MYLK: variants seen among roughly 807,000 people sequenced by gnomAD.
The protein encoded by MYLK is myosin light chain kinase.
In MYLK, 106 loss-of-function variants were observed where a neutral mutation model predicts 203.4. The observed-to-expected ratio is 0.52, with a 90% CI of 0.45 to 0.61. The LOEUF (loss-of-function observed/expected upper bound fraction) is 0.61. Ranked by LOEUF, MYLK falls within the 20% of genes least tolerant of loss-of-function variation. The probability of loss-of-function intolerance (pLI) is 0.00; values close to 1 mark genes in which losing one functional copy is unlikely to be tolerated. For missense variants in MYLK, 2,072 were observed against 2,442.3 expected (o/e 0.85, Z 3.20); for synonymous variants, 867 against 959.5 (o/e 0.90, Z 1.78).
At chr3:123,626,794 A>C (rs1288244094) in intron 31 of MYLK, 24 bp downstream of exon 31, 1 of 1,614,162 alleles carries the variant, frequency 6.2e-7, no homozygotes, top group Admixed American at 1.7e-5. Flanking sequence ...GCAACATCCC[A>C]GTCCAAAGTG....
intron 20 of MYLK, among the ~76,000 whole-genome samples, chr3:123,679,935 G>A (rs981323121): frequency 6.6e-6 from 1 of 152,160 alleles, no homozygotes; most frequent in Non-Finnish European, 1.5e-5. Flanking sequence ...CACAGTGTGG[G>A]CACCAGGTTT....
At position 123,640,721 on chromosome 3, in the gene MYLK, C is replaced by T. The variant is rs1399135540; in HGVS notation, c.4620-217G>A. Among the ~76,000 whole-genome samples the T allele has an allele frequency of 6.6e-6, 1 of 151,734 alleles. No homozygotes were observed. Among genetic ancestry groups the T allele is most frequent in the African/African-American group, 2.4e-5 (1 of 41,252 alleles). ...GGAACCCTGCCCTGCACCTTCTAAG[C>T]TGCTGGGGACTCAGGGAAGCATCTA... is the stretch of plus-strand genomic sequence containing the variant. On this transcript the variant is annotated intron_variant, in intron 27 of 33. Transcript: ENST00000360304. The surrounding 1 kb of genome is among the most constrained non-coding windows in gnomAD (Gnocchi z 4.3).
At chr3:123,860,016 C>T (rs1484615089) in intron 2 of MYLK, among the ~76,000 whole-genome samples, 4 of 150,908 alleles carry the variant, frequency 2.7e-5, no homozygotes, top group Non-Finnish European at 5.9e-5. Context: ...TGATTCTAAA[C>T]TAAACACAAT....
intron 29 of MYLK, 58 bp downstream of exon 29, chr3:123,638,012 GC>G: frequency 6.2e-7 from 1 of 1,611,474 alleles, no homozygotes; most frequent in Non-Finnish European, 8.5e-7. Context: ...GGAACCCTCA[GC>G]CCCCACCCAC....
intron 2 of MYLK, among the ~76,000 whole-genome samples, chr3:123,846,803 A>G (rs761291991): frequency 5.9e-5 from 9 of 151,828 alleles, no homozygotes; most frequent in Non-Finnish European, 1.2e-4. Flanking sequence ...TTTCCTTTCA[A>G]CAACTGTAAT....
At chr3:123,820,279 T>C (rs994609206) in intron 3 of MYLK, among the ~76,000 whole-genome samples, 1 of 152,050 alleles carries the variant, frequency 6.6e-6, no homozygotes, top group Non-Finnish European at 1.5e-5. Context: ...TCTAAGAACA[T>C]GGTTGTATGA....
chr3:123,649,233 G>C, intron 24 of MYLK, 39 bp from the exon 25 acceptor site: 1 of 1,611,566 alleles, frequency 6.2e-7, no homozygotes, highest in Non-Finnish European at 8.5e-7. Flanking sequence ...GGACACAGGT[G>C]ATTAGTACTG....
At position 123,666,305 on chromosome 3, in the gene MYLK, C is replaced by A. The variant is rs2059732297; in HGVS notation, c.3745G>T (p.Val1249Leu). 2 of 1,614,086 alleles carry A rather than the reference C, an allele frequency of 1.2e-6. No homozygotes were observed. The highest frequency in any genetic ancestry group is 1.1e-5 in the South Asian group (1 of 91,088). Residue 1249 changes from valine to leucine, a missense_variant, in exon 22 of 34, where the codon GTA becomes TTA. Coordinates refer to ENST00000360304, the MANE Select transcript of MYLK (RefSeq NM_053025.4). ...QIIQFPEDQK[V>L]RAGESVELFG... The stretch of plus-strand genomic sequence containing the variant: ...AGCTCCACTGACTCTCCTGCGCGTA[C>A]CTTCTGGTCCTCAGGGAACTGGATG...
Position 123,648,869 on chromosome 3 carries a change from C to T in MYLK, c.4415+102G>A. 1 of 967,390 alleles carries T rather than the reference C, an allele frequency of 1.0e-6. No homozygotes were observed. Among genetic ancestry groups the T allele is most frequent in the Non-Finnish European group, 1.7e-6 (1 of 602,944 alleles). The allele number at this position is 967,390 out of a possible 1,614,324, so 59.9% of individuals were successfully genotyped here. ...CAGGACTCTCAGTCTGGGGAGGAGGCAGGCCCCAGGGAGCAACAGGAAGCT... is the reference window on the plus strand; with the variant it reads ...CAGGACTCTCAGTCTGGGGAGGAGGTAGGCCCCAGGGAGCAACAGGAAGCT... On this transcript the variant is annotated intron_variant, in intron 26 of 33. Coordinates refer to ENST00000360304, the MANE Select transcript of MYLK (RefSeq NM_053025.4). The surrounding 1 kb of genome is among the most constrained non-coding windows in gnomAD (Gnocchi z 4.5).
At chr3:123,638,919 C>T (rs888671223) in intron 28 of MYLK, 17 of 985,328 alleles carry the variant, frequency 1.7e-5, no homozygotes, top group South Asian at 4.7e-5. Context: ...TGCTTAACTT[C>T]GCAGAGCTCA....
intron 19 of MYLK, among the ~76,000 whole-genome samples, chr3:123,684,761 C>T (rs2060391651): frequency 6.6e-6 from 1 of 152,202 alleles, no homozygotes; most frequent in African/African-American, 2.4e-5. Flanking sequence ...GTCTTGAATT[C>T]CTGGCCTCAG....
At chr3:123,719,061 A>T (rs2062001354) in intron 13 of MYLK, among the ~76,000 whole-genome samples, 1 of 152,136 alleles carries the variant, frequency 6.6e-6, no homozygotes, top group Non-Finnish European at 1.5e-5. Flanking sequence ...GTCACTGAGG[A>T]GGGAAGGCAG....
At chr3:123,664,840 T>C (rs1006440614) in intron 22 of MYLK, among the ~76,000 whole-genome samples, 1 of 152,182 alleles carries the variant, frequency 6.6e-6, no homozygotes, top group Admixed American at 6.5e-5. Context: ...GAAAAGAGTA[T>C]GCTAAGTCAA....
intron 20 of MYLK, among the ~76,000 whole-genome samples, chr3:123,674,722 T>C (rs994619202): frequency 2.6e-5 from 4 of 152,268 alleles, no homozygotes; most frequent in African/African-American, 4.8e-5. Context: ...TTTCAGTTTC[T>C]GCAACACCAG....
At chr3:123,644,864 C>A (rs2058959940) in intron 27 of MYLK, among the ~76,000 whole-genome samples, 1 of 152,156 alleles carries the variant, frequency 6.6e-6, no homozygotes, top group Non-Finnish European at 1.5e-5. Context: ...TTTTATGGTT[C>A]CATGAAATAG....
At chr3:123,635,309 T>C (rs1282639213) in intron 29 of MYLK, among the ~76,000 whole-genome samples, 1 of 152,244 alleles carries the variant, frequency 6.6e-6, no homozygotes, top group Non-Finnish European at 1.5e-5. Context: ...TAGCAGGCGC[T>C]TAAAGGAAAC....
rs1296051224 is a variant in MYLK at position 123,700,314 on chromosome 3, T to G, written c.3154A>C (p.Asn1052His). Reference protein sequence around the residue: ...KPAETLKPMGNAKPDENLKSA... With the variant: ...KPAETLKPMGHAKPDENLKSA... ...TTCAGGTTCTCATCAGGCTTGGCAT[T>G]GCCCATGGGCTTCAGGGTCTCGGCA... Residue 1052 changes from asparagine to histidine, a missense_variant, in exon 18 of 34, where the codon AAT becomes CAT. Physicochemically the swap from Asn to His is moderately conservative, Grantham distance 68. Coordinates refer to ENST00000360304, the MANE Select transcript of MYLK (RefSeq NM_053025.4). The G allele has an allele frequency of 6.2e-7, 1 of 1,613,950 alleles. No homozygotes were observed.
intron 22 of MYLK, among the ~76,000 whole-genome samples, chr3:123,665,771 A>G (rs2059714353): frequency 6.6e-6 from 1 of 152,174 alleles, no homozygotes; most frequent in African/African-American, 2.4e-5. Flanking sequence ...CTTCTATCCA[A>G]ATACTCACAT....
chr3:123,794,666 A>T (rs2064919817), intron 3 of MYLK, among the ~76,000 whole-genome samples: 1 of 152,200 alleles, frequency 6.6e-6, no homozygotes. Flanking sequence ...GGGGCTGGCA[A>T]GGGTAGCAGA....
Sources: gnomAD v4.1 joint callset for allele counts (sites outside exome capture counted in the v4.1 genomes callset) on GRCh38, gnomAD v4.1.1 for gene constraint, Gnocchi (gnomAD v3.1) non-coding constraint, MANE v1.5 for transcripts, NCBI Gene and HGNC (gene_info 2026-07-23, HGNC 2026-07-21) for gene names.